The following KIF5A variants were observed in gnomAD, a reference collection of about 807,000 sequenced individuals.
KIF5A encodes kinesin heavy chain isoform 5A.
In KIF5A, 35 loss-of-function variants were observed where a neutral mutation model predicts 141.3. The ratio of observed to expected loss-of-function variants is 0.25; its 90% CI spans 0.19 to 0.33. The LOEUF is 0.33. Among genes scored for constraint, KIF5A ranks in the 10% least tolerant of loss-of-function variants. KIF5A has a pLI of 1.00. For synonymous variants in KIF5A, 448 were observed against 500.2 expected (o/e 0.90, Z 1.39); for missense variants, 861 against 1,314.3 (o/e 0.66, Z 5.33).
At chr12:57,563,759 G>T (rs1881981679) in intron 3 of KIF5A, 66 bp downstream of exon 3, 4 of 1,419,720 alleles carry the variant, frequency 2.8e-6, no homozygotes, top group Non-Finnish European at 4.0e-6. Context: ...GAATCTCAGT[G>T]GGGGAAGGTC....
chr12:57,576,896 C>A (rs779501645), intron 20 of KIF5A, 34 bp downstream of exon 20: 12 of 1,493,718 alleles, frequency 8.0e-6, no homozygotes, highest in Non-Finnish European at 1.1e-5. Context: ...AAAACTACAG[C>A]CTTGTAGGCT....
At chr12:57,576,430 T>A in intron 19 of KIF5A, 52 bp downstream of exon 19, 1 of 1,365,938 alleles carries the variant, frequency 7.3e-7, no homozygotes. Context: ...GTCACCTTGC[T>A]GTATTGACTC....
intron 1 of KIF5A, among the ~76,000 whole-genome samples, chr12:57,562,017 T>C (rs1881921762): frequency 6.6e-6 from 1 of 152,232 alleles, no homozygotes; most frequent in Non-Finnish European, 1.5e-5. Flanking sequence ...GACAAGTCAG[T>C]CACCTATGAT....
At chr12:57,577,311 T>C (rs1882457341) in intron 20 of KIF5A, among the ~76,000 whole-genome samples, 1 of 152,170 alleles carries the variant, frequency 6.6e-6, no homozygotes, top group Non-Finnish European at 1.5e-5. Context: ...TAAATAATAA[T>C]AGGCTGGGTG....
chr12:57,576,804 G>T lies in KIF5A; in HGVS notation c.2242G>T (p.Asp748Tyr). 1 of 1,613,934 alleles carries T rather than the reference G, an allele frequency of 6.2e-7. No individual in the cohort carries two copies. The highest frequency in any genetic ancestry group is 1.1e-5 in the South Asian group (1 of 91,012). ...GTTAGAGCTAGAGAAGCTTCAGGCT[G>T]ACTACGAGAAGCTGAAGAGCGAAGA... ...LQLELEKLQADYEKLKSEEHE... is the reference protein window; with the variant it reads ...LQLELEKLQAYYEKLKSEEHE... The change falls in exon 20 of 29, where the codon GAC (aspartate) becomes TAC (tyrosine). Residue 748 changes from aspartate to tyrosine, a missense_variant. By Grantham distance (160) the Asp-to-Tyr change is radical. This residue lies in a region of KIF5A where 482 missense variants were observed against 661.3 expected (regional missense o/e 0.73). Transcript: ENST00000455537.
chr12:57,583,184 C>T lies in KIF5A; in HGVS notation c.*5C>T. On this transcript the variant is annotated 3_prime_UTR_variant, in exon 28 of 29. Coordinates refer to ENST00000455537, the MANE Select transcript of KIF5A (RefSeq NM_004984.4). ...CAAGAGACAGCAGCCAGCTAATCTC[C>T]CACACCCACGGCTGCATACCTGCAC... 2 of 1,613,096 alleles carry T rather than the reference C, an allele frequency of 1.2e-6. No individual in the cohort carries two copies. The highest frequency in any genetic ancestry group is 2.2e-5 in the East Asian group (1 of 44,832).
chr12:57,554,257 A>T (rs1451127847), intron 1 of KIF5A, among the ~76,000 whole-genome samples: 3 of 152,096 alleles, frequency 2.0e-5, no homozygotes, highest in East Asian at 3.8e-4. Context: ...AAGCTACCTG[A>T]CCTCTTTGAG....
chr12:57,569,686 TAG>T lies in KIF5A; in HGVS notation c.1117+8_1117+9del. 2 of 1,613,084 alleles carry T rather than the reference TAG, an allele frequency of 1.2e-6. No homozygotes were observed. Among genetic ancestry groups the T allele is most frequent in the Non-Finnish European group, 1.7e-6 (2 of 1,179,880 alleles). On this transcript the variant is annotated splice_donor_5th_base_variant and intron_variant, in intron 11 of 28. Transcript: ENST00000455537. ...TGAGCTGAGCCGGTGGCGCAATGGT[TAG>T]AGAGGGATAGGTGGGAGTGAGGGGC...
chr12:57,583,078 T>A lies in KIF5A; in HGVS notation c.3021-23T>A, dbSNP rs775161922. Reference sequence around the variant, plus strand: ...AATACTTTAATTTCTATGGAGCTGATCATGGTGGGTCTCTTCCTCCAGGAG... The same window carrying A: ...AATACTTTAATTTCTATGGAGCTGAACATGGTGGGTCTCTTCCTCCAGGAG... On this transcript the variant is annotated intron_variant, in intron 27 of 28. Coordinates refer to ENST00000455537, the MANE Select transcript of KIF5A (RefSeq NM_004984.4). The A allele has an allele frequency of 2.5e-5, 40 of 1,599,304 alleles. No homozygotes were observed. The East Asian group carries it at 8.7e-4, about 35-fold the overall frequency.
At chr12:57,560,104 C>CA (rs1881866462) in intron 1 of KIF5A, among the ~76,000 whole-genome samples, 1 of 152,152 alleles carries the variant, frequency 6.6e-6, no homozygotes, top group Non-Finnish European at 1.5e-5. Flanking sequence ...GTTGGCCAGG[C>CA]TAGTCTCGAA....
chr12:57,567,326 A>G, intron 7 of KIF5A, 113 bp downstream of exon 7: 1 of 1,153,862 alleles, frequency 8.7e-7, no homozygotes, highest in Admixed American at 1.9e-5. Context: ...CCAGAGGAGG[A>G]GGACCCCTTG....
intron 7 of KIF5A, 137 bp downstream of exon 7, chr12:57,567,350 G>A: frequency 8.5e-6 from 11 of 1,287,156 alleles, no homozygotes; most frequent in South Asian, 1.2e-5. Flanking sequence ...GTGGGACCCT[G>A]CTGCCTGGGA....
intron 12 of KIF5A, among the ~76,000 whole-genome samples, chr12:57,570,628 G>A (rs1433534755): frequency 2.0e-5 from 3 of 151,818 alleles, no homozygotes. Context: ...CTGGCGATCC[G>A]CCCGCCTCGG....
intron 8 of KIF5A, 43 bp downstream of exon 8, chr12:57,567,661 CTTTTTT>C: frequency 2.0e-5 from 26 of 1,313,104 alleles, no homozygotes; most frequent in East Asian, 2.8e-5. Flanking sequence ...AGCCTTGGCT[CTTTTTT>C]TTTTTTTTTT....
rs748756540 is a variant in KIF5A at position 57,570,069 on chromosome 12, T to C, written c.1200T>C (p.Asn400=). Reference sequence around the variant, plus strand: ...AGCTCTGTGAGGAGACCCCTGTGAATGACAACTCATCCATCGTGGTGCGCA... The same window carrying C: ...AGCTCTGTGAGGAGACCCCTGTGAACGACAACTCATCCATCGTGGTGCGCA... The part of the protein sequence containing the change: ...GAELCEETPV[N]DNSSIVVRIA... Residue 400 remains asparagine (N), a synonymous_variant, in exon 12 of 29, where the codon AAT becomes AAC. Coordinates refer to ENST00000455537, the MANE Select transcript of KIF5A (RefSeq NM_004984.4). 2.5e-6 allele frequency: 4 copies of C among 1,614,180 alleles called. No homozygotes were observed. Among genetic ancestry groups the C allele is most frequent in the Non-Finnish European group, 3.4e-6 (4 of 1,180,024 alleles).
intron 1 of KIF5A, among the ~76,000 whole-genome samples, chr12:57,557,669 G>A (rs1881786955): frequency 6.6e-6 from 1 of 150,976 alleles, no homozygotes; most frequent in African/African-American, 2.4e-5. Context: ...TTTTGCCATT[G>A]TTAAATATTT....
At chr12:57,583,326 T>A (rs1882664395) in intron 28 of KIF5A, 111 bp downstream of exon 28, 6 of 684,942 alleles carry the variant, frequency 8.8e-6, no homozygotes, top group Admixed American at 4.8e-5. Flanking sequence ...CTCAAAACTT[T>A]AATTATGTAG....
chr12:57,572,024 A>AGTGATCT lies in KIF5A; in HGVS notation c.1363-36_1363-30dup. The AGTGATCT allele has an allele frequency of 6.3e-7, 1 of 1,575,318 alleles. No homozygotes were observed. The highest frequency in any genetic ancestry group is 1.1e-5 in the South Asian group (1 of 89,196). On this transcript the variant is annotated intron_variant, in intron 13 of 28. Transcript: ENST00000455537. The surrounding 1 kb of genome is among the most constrained non-coding windows in gnomAD (Gnocchi z 4.2). ...CAAGGCCATAGAAATGGTCACTGGC[A>AGTGATCT]GTGATCTTTCCCACATGCCACTCCT...
intron 8 of KIF5A, among the ~76,000 whole-genome samples, chr12:57,568,490 C>G (rs962233105): frequency 5.9e-5 from 9 of 151,998 alleles, no homozygotes; most frequent in African/African-American, 2.2e-4. Flanking sequence ...CTTTGCGAGG[C>G]CGAGGTGGGT....
Sources: gnomAD v4.1 joint callset for allele counts (sites outside exome capture counted in the v4.1 genomes callset) on GRCh38, gnomAD v4.1.1 for gene constraint, gnomAD v4.1.1 regional missense constraint, Gnocchi (gnomAD v3.1) non-coding constraint, MANE v1.5 for transcripts, NCBI Gene and HGNC (gene_info 2026-07-23, HGNC 2026-07-21) for gene names.